The following ANK2 variants were observed in gnomAD, a reference collection of about 807,000 sequenced individuals.
ANK2 encodes the protein ankyrin 2, also known as ankyrin-2.
Under a neutral mutation model 360.5 loss-of-function variants are expected in ANK2, and 83 were observed. The observed-to-expected ratio is 0.23, with a 90% confidence interval of 0.19 to 0.28. ANK2 has a LOEUF of 0.28. Among genes scored for constraint, ANK2 ranks in the 10% least tolerant of loss-of-function variants. The pLI, the probability that ANK2 is intolerant of heterozygous loss-of-function variation, is 1.00. For synonymous variants in ANK2, 1,740 were observed against 1,759.5 expected (o/e 0.99, Z 0.28); for missense variants, 4,201 against 4,795.7 (o/e 0.88, Z 3.66).
chr4:113,381,950 A>T lies in ANK2; in HGVS notation c.*479A>T, dbSNP rs1303460513. Reference sequence around the variant, plus strand: ...AGATCCATGAAAATCCATTGATCAGAAGAACTTCACCTGCAGACCTCTTCA... The same window carrying T: ...AGATCCATGAAAATCCATTGATCAGTAGAACTTCACCTGCAGACCTCTTCA... On this transcript the variant is annotated 3_prime_UTR_variant, in exon 46 of 46. Coordinates refer to ENST00000357077, the MANE Select transcript of ANK2 (RefSeq NM_001148.6). The T allele has an allele frequency of 6.0e-6, 2 of 332,536 alleles. No individual in the cohort carries two copies. Among genetic ancestry groups the T allele is most frequent in the African/African-American group, 2.1e-5 (1 of 46,666 alleles). 20.6% of individuals were successfully genotyped at this position (332,536 alleles called of 1,614,324 possible).
At chr4:113,346,117 CA>C in intron 35 of ANK2, 95 bp downstream of exon 35, 1 of 1,454,288 alleles carries the variant, frequency 6.9e-7, no homozygotes, top group Non-Finnish European at 9.6e-7. Context: ...GCAAAAACAG[CA>C]ATTGCTTTTG....
Position 113,185,708 on chromosome 4 carries a change from G to A in ANK2, c.187-10660G>A, listed in dbSNP as rs182655177. ...TCTTTCACTGTGCAGAAGCTCTTTA[G>A]TTTAATTAGATCCCATTTGTCAATT... On this transcript the variant is annotated intron_variant, in intron 2 of 45. Transcript: ENST00000357077. Among the ~76,000 whole-genome samples, 208 of 152,202 alleles carry A rather than the reference G, an allele frequency of 1.4e-3. 1 individual carries two copies. Among genetic ancestry groups the A allele is most frequent in the African/African-American group, 4.6e-3 (191 of 41,516 alleles).
intron 1 of ANK2, among the ~76,000 whole-genome samples, chr4:112,891,478 A>T (rs1259357264): frequency 3.3e-5 from 5 of 152,192 alleles, no homozygotes; most frequent in Admixed American, 3.3e-4. Flanking sequence ...AAGCAAGCTT[A>T]TATCAAAATT....
intron 23 of ANK2, among the ~76,000 whole-genome samples, chr4:113,306,616 C>T (rs1285327157): frequency 6.6e-6 from 1 of 152,206 alleles, no homozygotes; most frequent in Non-Finnish European, 1.5e-5. Flanking sequence ...TACTAAATCT[C>T]TATAATGCTA....
chr4:112,718,594 G>A, the ANK2 span, among the ~76,000 whole-genome samples: 4 of 151,318 alleles, frequency 2.6e-5, no homozygotes, highest in East Asian at 2.0e-4. Context: ...CATTATAGGC[G>A]TGAGCCACTG....
intron 1 of ANK2, among the ~76,000 whole-genome samples, chr4:112,878,915 G>A (rs182862815): frequency 2.6e-3 from 390 of 152,256 alleles, no homozygotes; most frequent in African/African-American, 8.3e-3. Flanking sequence ...GAGCCACTGC[G>A]CCCGGCCCCT....
chr4:112,976,656 C>T (rs1348562626), intron 2 of ANK2, among the ~76,000 whole-genome samples: 3 of 150,758 alleles, frequency 2.0e-5, no homozygotes, highest in African/African-American at 4.9e-5. Flanking sequence ...GATATTCATG[C>T]TGTATTTGCT....
chr4:112,964,062 T>C (rs571188752), intron 2 of ANK2, among the ~76,000 whole-genome samples: 1 of 150,742 alleles, frequency 6.6e-6, no homozygotes, highest in East Asian at 1.9e-4. Context: ...TATTTCCAGA[T>C]GATATTTCCT....
intron 14 of ANK2, among the ~76,000 whole-genome samples, chr4:113,271,622 G>C (rs2058563586): frequency 6.6e-6 from 1 of 152,214 alleles, no homozygotes; most frequent in Admixed American, 6.5e-5. Context: ...TGAGATTGCT[G>C]CGTAGTTCAC....
intron 2 of ANK2, among the ~76,000 whole-genome samples, chr4:112,944,471 A>C (rs984056257): frequency 1.5e-4 from 23 of 152,230 alleles, no homozygotes; most frequent in African/African-American, 5.5e-4. Flanking sequence ...ACTATTAATA[A>C]TGAATACATG....
chr4:112,910,957 CTTTTTTTTTTT>C (rs1163828806), intron 2 of ANK2, among the ~76,000 whole-genome samples: 1 of 125,174 alleles, frequency 8.0e-6, no homozygotes, highest in African/African-American at 3.0e-5. Context: ...TATTATTTGC[CTTTTTTTTTTT>C]TTTTTTTTTA....
intron 1 of ANK2, among the ~76,000 whole-genome samples, chr4:112,843,654 A>G (rs2149832001): frequency 6.6e-6 from 1 of 152,236 alleles, no homozygotes; most frequent in Admixed American, 6.5e-5. Context: ...AAATGAATGA[A>G]TTTCCCAAAA....
At chr4:112,714,920 A>G in the ANK2 span, among the ~76,000 whole-genome samples, 1 of 152,358 alleles carries the variant, frequency 6.6e-6, no homozygotes, top group East Asian at 1.9e-4. Context: ...GGATATATAA[A>G]TAGTTTCAAT....
intron 1 of ANK2, among the ~76,000 whole-genome samples, chr4:112,901,583 C>T (rs1219257668): frequency 6.6e-6 from 1 of 152,094 alleles, no homozygotes; most frequent in Non-Finnish European, 1.5e-5. Context: ...GAAGAAAAAG[C>T]CCAGCCATGG....
At chr4:113,330,181 G>T in intron 26 of ANK2, 65 bp from the exon 27 acceptor site, 1 of 1,478,326 alleles carries the variant, frequency 6.8e-7, no homozygotes, top group Non-Finnish European at 9.3e-7. Flanking sequence ...AAAACAACTT[G>T]ACAAAGCTTG....
In ANK2 at chr4:113,356,402, T is replaced by C; in HGVS notation, c.7784T>C (p.Ile2595Thr). The change falls in exon 38 of 46, where the codon ATC becomes ACC. Residue 2595 changes from isoleucine (I) to threonine (T), a missense_variant. By Grantham distance (89) the Ile-to-Thr change is moderately conservative. This residue lies in a region of ANK2 where 2,642 missense variants were observed against 2,714.5 expected (regional missense o/e 0.97). Transcript: ENST00000357077. ...GAGATGTTTAAAATGGTAACCAAAA[T>C]CAAAATGTTTGATGAACTTGAACAA... ...EEEMFKMVTK[I>T]KMFDELEQEA... The C allele has an allele frequency of 6.2e-7, 1 of 1,614,050 alleles. No individual in the cohort carries two copies. Among genetic ancestry groups the C allele is most frequent in the Non-Finnish European group, 8.5e-7 (1 of 1,179,968 alleles).
intron 1 of ANK2, among the ~76,000 whole-genome samples, chr4:112,853,652 G>C (rs1218867371): frequency 6.6e-6 from 1 of 152,138 alleles, no homozygotes; most frequent in Non-Finnish European, 1.5e-5. Flanking sequence ...CTTGAGAAAG[G>C]TTCATTTCCT....
Position 113,348,273 on chromosome 4 carries a change from A to C in ANK2, c.4372-3A>C, listed in dbSNP as rs2095103338. 6.2e-7 allele frequency: 1 copy of C among 1,613,378 alleles called. No homozygotes were observed. ...ATCTTGCATGGCATCTTGGGGCGGA[A>C]AGGAATCAGAGTCAGATCAAGAACA... On this transcript the variant is annotated splice_region_variant and splice_polypyrimidine_tract_variant and intron_variant, in intron 35 of 45. Transcript: ENST00000357077.
intron 9 of ANK2, among the ~76,000 whole-genome samples, chr4:113,249,050 G>A (rs1274008858): frequency 6.6e-6 from 1 of 152,206 alleles, no homozygotes; most frequent in Non-Finnish European, 1.5e-5. Context: ...TCCCAGAAGT[G>A]TAAAGATCAG....
Sources: gnomAD v4.1 joint callset for allele counts (sites outside exome capture counted in the v4.1 genomes callset) on GRCh38, gnomAD v4.1.1 for gene constraint, gnomAD v4.1.1 regional missense constraint, MANE v1.5 for transcripts, NCBI Gene and HGNC (gene_info 2026-07-23, HGNC 2026-07-21) for gene names.